The following SLC9C1 variants were observed in gnomAD, a reference collection of about 807,000 sequenced individuals.
SLC9C1 encodes the protein sodium/hydrogen exchanger 10.
Under a neutral mutation model 140.9 loss-of-function variants are expected in SLC9C1, and 97 were observed. The observed-to-expected ratio is 0.69, with a 90% CI of 0.58 to 0.82. The LOEUF (loss-of-function observed/expected upper bound fraction) is 0.82, where lower values mean the gene tolerates loss of function less well. Ranked by LOEUF, SLC9C1 falls within the 40% of genes least tolerant of loss-of-function variation. SLC9C1 has a pLI of 0.00. For missense variants in SLC9C1, 1,340 were observed against 1,389.3 expected, an observed-to-expected ratio of 0.96 and a Z score of 0.56; for synonymous variants, 440 against 442.6, an observed-to-expected ratio of 0.99 and a Z score of 0.07.
At position 112,207,149 on chromosome 3, in the gene SLC9C1, C is replaced by T. The variant is rs139179956; in HGVS notation, c.1986+1029G>A. 5.5e-3 allele frequency among the ~76,000 whole-genome samples: 841 copies of T among 152,234 alleles called. 7 individuals carry two copies. The highest frequency in any genetic ancestry group is 0.019 in the African/African-American group (798 of 41,548). Reference sequence around the variant, plus strand: ...ACTATTTTGTGATAGTTGATACAGTCAGTCTTTCTGCATATTTCAAAAAAA... The same window carrying T: ...ACTATTTTGTGATAGTTGATACAGTTAGTCTTTCTGCATATTTCAAAAAAA... On this transcript the variant is annotated intron_variant, in intron 16 of 28. Coordinates refer to ENST00000305815, the MANE Select transcript of SLC9C1 (RefSeq NM_183061.3).
intron 28 of SLC9C1, chr3:112,151,441 T>C: frequency 1.9e-6 from 1 of 519,170 alleles, no homozygotes; most frequent in South Asian, 1.4e-5. Flanking sequence ...ATCCACAGTG[T>C]ATCTTTTATG....
chr3:112,214,120 AC>A (rs1364844840), intron 15 of SLC9C1, among the ~76,000 whole-genome samples: 1 of 152,236 alleles, frequency 6.6e-6, no homozygotes, highest in Non-Finnish European at 1.5e-5. Context: ...TGGGTACATG[AC>A]AAAATGAAGG....
At chr3:112,249,622 C>G (rs944499245) in intron 10 of SLC9C1, among the ~76,000 whole-genome samples, 47 of 152,014 alleles carry the variant, frequency 3.1e-4, no homozygotes, top group African/African-American at 1.1e-3. Context: ...TTTTGGAACT[C>G]GTTATTGGTC....
intron 20 of SLC9C1, among the ~76,000 whole-genome samples, chr3:112,194,715 C>T (rs2077733889): frequency 6.6e-6 from 1 of 152,068 alleles, no homozygotes; most frequent in South Asian, 2.1e-4. Context: ...CATACTGTTT[C>T]CCACAGAGGT....
At chr3:112,194,628 T>C (rs2077732284) in intron 20 of SLC9C1, among the ~76,000 whole-genome samples, 1 of 152,178 alleles carries the variant, frequency 6.6e-6, no homozygotes, top group Non-Finnish European at 1.5e-5. Context: ...CCACTTTCAA[T>C]TCTTTTGACT....
chr3:112,166,432 G>C (rs1024322735), intron 26 of SLC9C1, among the ~76,000 whole-genome samples: 10 of 152,308 alleles, frequency 6.6e-5, no homozygotes, highest in Admixed American at 6.5e-4. Context: ...GAGCTGGAGA[G>C]CTCCACATGG....
intron 17 of SLC9C1, among the ~76,000 whole-genome samples, chr3:112,203,181 A>G (rs1248350837): frequency 6.6e-6 from 1 of 152,062 alleles, no homozygotes; most frequent in East Asian, 1.9e-4. Flanking sequence ...AAGAGACAAT[A>G]TCTAATTCAT....
At chr3:112,217,757 AGAGAGT>A (rs2078424710) in intron 14 of SLC9C1, among the ~76,000 whole-genome samples, 196 bp from the exon 15 acceptor site, 1 of 152,202 alleles carries the variant, frequency 6.6e-6, no homozygotes, top group South Asian at 2.1e-4. Flanking sequence ...CTTGTTAAAC[AGAGAGT>A]ATTAAAAATT....
rs116198200 is a variant in SLC9C1, at chr3:112,175,028, C to T, written c.2919+4503G>A. Among the ~76,000 whole-genome samples, 1,523 of 152,306 alleles carry T rather than the reference C, an allele frequency of 1.0e-2. 25 individuals are homozygous for T. Among genetic ancestry groups the T allele is most frequent in the African/African-American group, 0.034 (1,420 of 41,546 alleles). The stretch of plus-strand genomic sequence containing the variant: ...GACAGCAAGGGCAAGGGCTGCAAGA[C>T]AGCAAGGATAGCAACTCCCCTTCCC... On this transcript the variant is annotated intron_variant, in intron 23 of 28. Transcript: ENST00000305815.
chr3:112,269,837 G>T (rs2080023225), intron 7 of SLC9C1, 79 bp downstream of exon 7: 2 of 1,240,642 alleles, frequency 1.6e-6, no homozygotes, highest in Admixed American at 5.7e-5. Context: ...ACTAACTTTT[G>T]CCTGGTATGC....
intron 12 of SLC9C1, among the ~76,000 whole-genome samples, chr3:112,234,050 T>C (rs1424257419): frequency 6.6e-6 from 1 of 152,162 alleles, no homozygotes; most frequent in Non-Finnish European, 1.5e-5. Context: ...CCTGAGGAAT[T>C]GCCGCACTGT....
Position 112,169,341 on chromosome 3 carries a change from G to A in SLC9C1, c.2920-13C>T. ...GAATAAAACATGTCTGGAAAAGAAG[G>A]ATGTAAATTTGATATTTTATTTTGT... On this transcript the variant is annotated splice_polypyrimidine_tract_variant and intron_variant, in intron 23 of 28. Transcript: ENST00000305815. 6.3e-7 allele frequency: 1 copy of A among 1,597,698 alleles called. No homozygotes were observed. Among genetic ancestry groups the A allele is most frequent in the Non-Finnish European group, 8.5e-7 (1 of 1,173,926 alleles).
At chr3:112,156,296 T>C (rs2075125668) in intron 26 of SLC9C1, among the ~76,000 whole-genome samples, 1 of 152,256 alleles carries the variant, frequency 6.6e-6, no homozygotes, top group East Asian at 1.9e-4. Context: ...GATAATGACC[T>C]CTAGTTTCAA....
In SLC9C1 at chr3:112,201,229, C is replaced by G. The variant is rs186109123; in HGVS notation, c.2323-467G>C. 3.8e-3 allele frequency among the ~76,000 whole-genome samples: 580 copies of G among 151,992 alleles called. 3 individuals carry two copies. Among genetic ancestry groups the G allele is most frequent in the African/African-American group, 0.013 (554 of 41,494 alleles). The stretch of plus-strand genomic sequence containing the variant: ...TATGAGAGCCCCCAGATTTGTGATT[C>G]CAGGATGGCTTGCAATCTTAAGGGA... On this transcript the variant is annotated intron_variant, in intron 18 of 28. Coordinates refer to ENST00000305815, the MANE Select transcript of SLC9C1 (RefSeq NM_183061.3).
chr3:112,146,298 A>G (rs1375591700), intron 28 of SLC9C1, among the ~76,000 whole-genome samples: 1 of 151,466 alleles, frequency 6.6e-6, no homozygotes, highest in Non-Finnish European at 1.5e-5. Context: ...GTGGACTTTT[A>G]TGTCTTAATT....
intron 5 of SLC9C1, among the ~76,000 whole-genome samples, chr3:112,277,022 G>T (rs2080233120): frequency 6.6e-6 from 1 of 152,056 alleles, no homozygotes; most frequent in African/African-American, 2.4e-5. Flanking sequence ...GCAAATGTGT[G>T]CATGGGTTGC....
intron 16 of SLC9C1, among the ~76,000 whole-genome samples, chr3:112,204,646 G>A (rs549387816): frequency 6.6e-6 from 1 of 152,084 alleles, no homozygotes; most frequent in South Asian, 2.1e-4. Flanking sequence ...ACAAACAAAT[G>A]TATATAATGA....
intron 10 of SLC9C1, among the ~76,000 whole-genome samples, chr3:112,258,737 G>A (rs771218340): frequency 1.3e-5 from 2 of 152,134 alleles, no homozygotes; most frequent in Non-Finnish European, 2.9e-5. Context: ...TGAGATTACA[G>A]GCATGAGCCA....
chr3:112,239,697 C>T, intron 12 of SLC9C1, 143 bp downstream of exon 12: 2 of 823,276 alleles, frequency 2.4e-6, no homozygotes, highest in African/African-American at 1.7e-5. Context: ...CTCCCCCTTA[C>T]TACTTTGTTA....
Sources: gnomAD v4.1 joint callset for allele counts (sites outside exome capture counted in the v4.1 genomes callset) on GRCh38, gnomAD v4.1.1 for gene constraint, MANE v1.5 for transcripts, NCBI Gene and HGNC (gene_info 2026-07-23, HGNC 2026-07-21) for gene names.